The following LIN28B variants were observed in gnomAD, a reference collection of about 807,000 sequenced individuals.
LIN28B encodes the protein lin-28 RNA binding posttranscriptional regulator B.
A neutral mutation model predicts 21.9 loss-of-function variants in LIN28B; 5 were observed. The ratio of observed to expected loss-of-function variants is 0.23; its 90% CI spans 0.12 to 0.48. The LOEUF is 0.48. Among genes scored for constraint, LIN28B ranks in the 20% least tolerant of loss-of-function variants. LIN28B has a pLI of 0.98. For missense variants in LIN28B, 245 were observed against 310.5 expected (o/e 0.79, Z 1.58); for synonymous variants, 109 against 111.3 (o/e 0.98, Z 0.13).
rs554452706 is a variant in LIN28B at position 105,028,176 on chromosome 6, G to A, written c.383+1694G>A. On this transcript the variant is annotated intron_variant, in intron 3 of 3. Coordinates refer to ENST00000345080, the MANE Select transcript of LIN28B (RefSeq NM_001004317.4). ...TAGAATGCTTTACATTCCAATTCTG[G>A]GTTGGAATCAGTATGTGAGGGAGAA... Among the ~76,000 whole-genome samples, 4 of 152,200 alleles carry A rather than the reference G, an allele frequency of 2.6e-5. No homozygotes were observed. In the South Asian group the frequency reaches 6.2e-4, roughly 24 times the overall value.
intron 2 of LIN28B, among the ~76,000 whole-genome samples, chr6:104,993,439 C>CT (rs776510657): frequency 3.3e-5 from 5 of 152,038 alleles, no homozygotes; most frequent in Non-Finnish European, 7.4e-5. Flanking sequence ...GCATTCCAGC[C>CT]TTGGTGGCAG....
intron 2 of LIN28B, among the ~76,000 whole-genome samples, chr6:104,944,131 T>A (rs77455359): frequency 2.2e-5 from 1 of 45,998 alleles, no homozygotes; most frequent in African/African-American, 4.0e-5. Context: ...TTTCATAAAT[T>A]TTTTTTTTGC....
intron 3 of LIN28B, among the ~76,000 whole-genome samples, chr6:105,070,642 T>A (rs1019578320): frequency 1.4e-3 from 47 of 34,310 alleles, no homozygotes; most frequent in African/African-American, 2.6e-3. Flanking sequence ...ACACACACAC[T>A]GGTGGTGTAT....
intron 2 of LIN28B, among the ~76,000 whole-genome samples, chr6:104,961,470 G>A (rs1027395975): frequency 6.6e-6 from 1 of 150,738 alleles, no homozygotes; most frequent in African/African-American, 2.4e-5. Context: ...GTGAGATCTC[G>A]GCTCACTGCA....
intron 3 of LIN28B, among the ~76,000 whole-genome samples, chr6:105,053,714 C>CGTGCGTGT (rs1771961767): frequency 1.4e-5 from 2 of 147,274 alleles, no homozygotes; most frequent in Admixed American, 6.7e-5. Flanking sequence ...TGTGTGGGTG[C>CGTGCGTGT]GTGTGTGTGT....
At chr6:104,967,487 A>G (rs566775537) in intron 2 of LIN28B, among the ~76,000 whole-genome samples, 2 of 149,892 alleles carry the variant, frequency 1.3e-5, no homozygotes, top group South Asian at 4.3e-4. Context: ...AGGCTGAGGC[A>G]GGAGAATCAC....
intron 2 of LIN28B, among the ~76,000 whole-genome samples, chr6:104,991,816 G>T (rs1770487595): frequency 6.6e-6 from 1 of 152,198 alleles, no homozygotes; most frequent in Non-Finnish European, 1.5e-5. Context: ...CTGGAGACCA[G>T]CCCGGCCAAC....
intron 2 of LIN28B, among the ~76,000 whole-genome samples, chr6:104,944,152 G>A (rs1206813093): frequency 6.6e-6 from 1 of 151,876 alleles, no homozygotes; most frequent in East Asian, 1.9e-4. Context: ...TTTTCACCTA[G>A]TTGAATTGGA....
rs547029492 is a variant in LIN28B at position 105,071,024 on chromosome 6, G to A, written c.384-7390G>A. Among the ~76,000 whole-genome samples the A allele has an allele frequency of 6.6e-5, 10 of 152,070 alleles. No homozygotes were observed. In the East Asian group the frequency reaches 9.7e-4, roughly 15 times the overall value. ...CCTGAGTAGCTAAAATTATAGGCAC[G>A]CACTACCATGCCTGGCTAAGTTTTG... On this transcript the variant is annotated intron_variant, in intron 3 of 3. Transcript: ENST00000345080.
In LIN28B at chr6:104,951,166, A is replaced by G. The variant is rs116448569; in HGVS notation, c.67+657A>G. Among the ~76,000 whole-genome samples, 1,079 of 152,292 alleles carry G rather than the reference A, an allele frequency of 7.1e-3. 10 individuals are homozygous for G. The highest frequency in any genetic ancestry group is 0.024 in the African/African-American group (999 of 41,574). The stretch of plus-strand genomic sequence containing the variant: ...AAAGTTATAGCACCATTTTTTAGTA[A>G]CAATCTTATTTGATGATAATTTATT... On this transcript the variant is annotated intron_variant, in intron 3 of 5. Transcript: ENST00000635857.
At chr6:104,960,894 T>C (rs1210377563) in intron 2 of LIN28B, among the ~76,000 whole-genome samples, 1 of 152,168 alleles carries the variant, frequency 6.6e-6, no homozygotes, top group African/African-American at 2.4e-5. Context: ...TTGGCAGTAA[T>C]ACCATCAAAC....
At chr6:105,058,143 G>C in intron 3 of LIN28B, 1 of 354,698 alleles carries the variant, frequency 2.8e-6, no homozygotes, top group Non-Finnish European at 5.5e-6. Flanking sequence ...CATGTTCCTA[G>C]AGGTACTTGT....
Position 105,078,613 on chromosome 6 carries a change from G to A in LIN28B, c.583G>A (p.Val195Met). Residue 195 changes from valine (V) to methionine (M), a missense_variant, in exon 4 of 4, where the codon GTG becomes ATG. Physicochemically the swap from Val to Met is conservative, Grantham distance 21. Transcript: ENST00000345080. ...QPCTSTLPRE[V>M]GGGHGCTSPP... ...ATGCACTTCAACTCTCCCTCGAGAAGTGGGAGGCGGGCATGGCTGTACATC... is the reference window on the plus strand; with the variant it reads ...ATGCACTTCAACTCTCCCTCGAGAAATGGGAGGCGGGCATGGCTGTACATC... 6.2e-7 allele frequency: 1 copy of A among 1,614,160 alleles called. No individual in the cohort carries two copies. The highest frequency in any genetic ancestry group is 8.5e-7 in the Non-Finnish European group (1 of 1,180,024).
chr6:104,992,516 T>TGTGTGTGTG (rs1562084946), intron 2 of LIN28B, among the ~76,000 whole-genome samples: 17 of 45,444 alleles, frequency 3.7e-4, no homozygotes, highest in Admixed American at 1.1e-3. Context: ...GTGTGTGTGT[T>TGTGTGTGTG]TTTTTTTTAA....
intron 2 of LIN28B, among the ~76,000 whole-genome samples, chr6:105,018,194 G>A (rs960023785): frequency 4.6e-5 from 7 of 152,146 alleles, no homozygotes; most frequent in African/African-American, 1.4e-4. Context: ...GGCTGAGGCA[G>A]GAGGATTGCT....
intron 2 of LIN28B, among the ~76,000 whole-genome samples, chr6:104,991,174 C>A (rs1277225215): frequency 7.0e-6 from 1 of 143,402 alleles, no homozygotes; most frequent in Non-Finnish European, 1.5e-5. Context: ...GACAGGGCGG[C>A]GGCCAGGCGG....
chr6:105,059,159 A>G (rs956677831), intron 3 of LIN28B, among the ~76,000 whole-genome samples: 5 of 151,804 alleles, frequency 3.3e-5, no homozygotes, highest in East Asian at 1.9e-4. Context: ...TGTTTGATCT[A>G]TTAGCCCCTT....
intron 2 of LIN28B, among the ~76,000 whole-genome samples, chr6:104,943,259 C>T (rs536343405): frequency 2.0e-5 from 3 of 151,902 alleles, no homozygotes; most frequent in Admixed American, 2.0e-4. Flanking sequence ...ATAGATCTTA[C>T]CTGCCTAAAA....
chr6:105,052,374 C>T (rs892630759), intron 3 of LIN28B, among the ~76,000 whole-genome samples: 3 of 152,000 alleles, frequency 2.0e-5, no homozygotes, highest in Non-Finnish European at 2.9e-5. Context: ...GTTTTGTAGG[C>T]TGGGAAGTCC....
Sources: gnomAD v4.1 joint callset for allele counts (sites outside exome capture counted in the v4.1 genomes callset) on GRCh38, gnomAD v4.1.1 for gene constraint, MANE v1.5 for transcripts, NCBI Gene and HGNC (gene_info 2026-07-23, HGNC 2026-07-21) for gene names.